CCDC175: variants seen among roughly 807,000 people sequenced by gnomAD.
CCDC175 encodes the protein coiled-coil domain-containing protein 175.
CCDC175 carries 100 observed loss-of-function variants against 114.6 expected under a neutral mutation model. That is an observed-to-expected ratio of 0.87 (90% CI 0.74 to 1.03). The LOEUF (loss-of-function observed/expected upper bound fraction) is 1.03, where lower values mean the gene tolerates loss of function less well. Among genes scored for constraint, CCDC175 ranks in the 50% least tolerant of loss-of-function variants. CCDC175 has a pLI of 0.00. For synonymous variants in CCDC175, 306 were observed against 308.7 expected (o/e 0.99, Z 0.09); for missense variants, 880 against 917.8 (o/e 0.96, Z 0.53).
At chr14:59,545,100 G>C (rs1895022401) in intron 9 of CCDC175, 63 bp downstream of exon 9, 1 of 1,445,438 alleles carries the variant, frequency 6.9e-7, no homozygotes, top group East Asian at 2.5e-5. Flanking sequence ...CCACCACTTT[G>C]ATAGCAAGAA....
At chr14:59,574,121 G>A (rs1332885881) in intron 2 of CCDC175, among the ~76,000 whole-genome samples, 1 of 152,188 alleles carries the variant, frequency 6.6e-6, no homozygotes, top group East Asian at 1.9e-4. Context: ...ACCTACTCAA[G>A]TAGGATTGTA....
At chr14:59,546,043 T>C (rs938504926) in intron 8 of CCDC175, among the ~76,000 whole-genome samples, 1 of 152,132 alleles carries the variant, frequency 6.6e-6, no homozygotes. Context: ...CTATTCAGAA[T>C]AGCAAAGACA....
chr14:59,530,708 G>A (rs1278994082), intron 14 of CCDC175, among the ~76,000 whole-genome samples: 3 of 151,574 alleles, frequency 2.0e-5, no homozygotes, highest in East Asian at 3.9e-4. Flanking sequence ...ATTCACTTCT[G>A]AATATTTTTT....
intron 19 of CCDC175, among the ~76,000 whole-genome samples, chr14:59,509,296 C>T (rs1892620171): frequency 6.6e-6 from 1 of 152,114 alleles, no homozygotes; most frequent in African/African-American, 2.4e-5. Flanking sequence ...CAAATAGAAG[C>T]AAGGCCCACA....
intron 7 of CCDC175, among the ~76,000 whole-genome samples, chr14:59,558,673 T>A (rs1896059785): frequency 6.6e-6 from 1 of 151,872 alleles, no homozygotes; most frequent in Non-Finnish European, 1.5e-5. Context: ...AAATCAAGAG[T>A]CTGTTCAGGA....
chr14:59,572,845 A>C, intron 2 of CCDC175, 32 bp from the exon 3 acceptor site: 1 of 1,318,884 alleles, frequency 7.6e-7, no homozygotes, highest in Non-Finnish European at 1.0e-6. Context: ...TTAAAAAGTT[A>C]AGACACTAAA....
rs1896204197 is a variant in CCDC175 at position 59,561,142 on chromosome 14, G to A, written c.930C>T (p.Asp310=). The change falls in exon 7 of 20, where the codon GAC becomes GAT. Residue 310 remains aspartate (D), a synonymous_variant. Coordinates refer to ENST00000537690, the MANE Select transcript of CCDC175 (RefSeq NM_001164399.2). ...ACAGTTTCGCCTCCAGAATTGCAAG[G>A]TCTTTCTTTAGCTCACTGACCTCTT... The part of the protein sequence containing the change: ...WEQEVSELKK[D]LAILEAKLCF... The A allele has an allele frequency of 6.5e-7, 1 of 1,532,062 alleles. No homozygotes were observed. The highest frequency in any genetic ancestry group is 8.8e-7 in the Non-Finnish European group (1 of 1,142,722). The allele number at this position is 1,532,062 out of a possible 1,614,324, so 94.9% of individuals were successfully genotyped here. A position where few individuals can be genotyped will look rare whatever the true frequency, so the allele number is the denominator to read the frequency against.
At position 59,521,736 on chromosome 14, in the gene CCDC175, TG is replaced by T. The variant is rs1352178549; in HGVS notation, c.1996-61del. 88 of 942,958 alleles carry T rather than the reference TG, an allele frequency of 9.3e-5. No homozygotes were observed. The African/African-American group carries it at 1.3e-3, about 14-fold the overall frequency. The allele number at this position is 942,958 out of a possible 1,614,324, so 58.4% of individuals were successfully genotyped here. A position where few individuals can be genotyped will look rare whatever the true frequency, so the allele number is the denominator to read the frequency against. ...TTTAGTTACTATAGATAAATTATCA[TG>T]TAGTCATTCAGCAAACATGTATAAA... On this transcript the variant is annotated intron_variant, in intron 16 of 19. Transcript: ENST00000537690.
chr14:59,538,082 C>T lies in CCDC175; in HGVS notation c.1564G>A (p.Glu522Lys), dbSNP rs1332181713. 4 of 1,532,346 alleles carry T rather than the reference C, an allele frequency of 2.6e-6. No homozygotes were observed. Among genetic ancestry groups the T allele is most frequent in the Non-Finnish European group, 3.5e-6 (4 of 1,142,850 alleles). The allele number at this position is 1,532,346 out of a possible 1,614,324, so 94.9% of individuals were successfully genotyped here. A position where few individuals can be genotyped will look rare whatever the true frequency, so the allele number is the denominator to read the frequency against. The change falls in exon 13 of 20, where the codon GAG becomes AAG. Residue 522 changes from glutamate to lysine, a missense_variant. Transcript: ENST00000537690. ...IEKLTTELKE[E>K]EKAFVNKEKM... The stretch of plus-strand genomic sequence containing the variant: ...TCTTTGTTAACAAATGCTTTCTCCT[C>T]TTCTTTTAATTCTGTTGTAAGTTTT...
At chr14:59,537,857 C>T (rs1311763058) in intron 13 of CCDC175, among the ~76,000 whole-genome samples, 166 bp downstream of exon 13, 1 of 152,122 alleles carries the variant, frequency 6.6e-6, no homozygotes, top group Non-Finnish European at 1.5e-5. Flanking sequence ...TCTTATTGCT[C>T]TGCTTCCTCT....
chr14:59,517,725 C>T (rs1461471372), intron 17 of CCDC175, among the ~76,000 whole-genome samples: 2 of 152,122 alleles, frequency 1.3e-5, no homozygotes, highest in South Asian at 2.1e-4. Flanking sequence ...GAATCAATAT[C>T]GTGAAAACAG....
intron 13 of CCDC175, 128 bp downstream of exon 13, chr14:59,537,895 A>T: frequency 1.7e-6 from 1 of 597,858 alleles, no homozygotes; most frequent in Non-Finnish European, 2.6e-6. Context: ...ATCCAGAATG[A>T]AATTGTAGCC....
intron 7 of CCDC175, among the ~76,000 whole-genome samples, chr14:59,560,893 C>T (rs1896191893): frequency 6.6e-6 from 1 of 152,022 alleles, no homozygotes; most frequent in African/African-American, 2.4e-5. Flanking sequence ...CTTTCCTTTC[C>T]CCAAGCTGAC....
intron 7 of CCDC175, among the ~76,000 whole-genome samples, chr14:59,558,488 CA>C (rs1402866191): frequency 6.6e-6 from 1 of 152,020 alleles, no homozygotes; most frequent in Non-Finnish European, 1.5e-5. Flanking sequence ...AATATGAAGG[CA>C]ATAGGACGTG....
intron 7 of CCDC175, among the ~76,000 whole-genome samples, 168 bp from the exon 8 acceptor site, chr14:59,551,604 C>T (rs540552204): frequency 2.6e-5 from 4 of 152,204 alleles, no homozygotes; most frequent in East Asian, 1.9e-4. Flanking sequence ...CTCACTGGGG[C>T]GTGTTGGACA....
intron 13 of CCDC175, among the ~76,000 whole-genome samples, chr14:59,534,916 G>A (rs1422214470): frequency 6.6e-6 from 1 of 152,130 alleles, no homozygotes; most frequent in Non-Finnish European, 1.5e-5. Context: ...AAATGGTAGT[G>A]GGACTTCTCA....
intron 7 of CCDC175, among the ~76,000 whole-genome samples, chr14:59,560,579 G>T (rs1266943503): frequency 1.3e-5 from 2 of 152,158 alleles, no homozygotes; most frequent in African/African-American, 4.8e-5. Flanking sequence ...AGAGAATACT[G>T]TGTGCAGATA....
intron 15 of CCDC175, among the ~76,000 whole-genome samples, chr14:59,526,779 GA>G (rs1205709568): frequency 6.6e-6 from 1 of 152,056 alleles, no homozygotes; most frequent in Non-Finnish European, 1.5e-5. Context: ...TTATAAATAA[GA>G]AAACCGAGGT....
At chr14:59,563,943 C>T in intron 5 of CCDC175, 84 bp from the exon 6 acceptor site, 2 of 874,860 alleles carry the variant, frequency 2.3e-6, no homozygotes, top group East Asian at 3.4e-5. Context: ...CAGTGTCAAC[C>T]TAATTCATAT....
Sources: allele counts gnomAD v4.1 joint callset (sites outside exome capture counted in the v4.1 genomes callset), GRCh38; gene constraint gnomAD v4.1.1; transcripts MANE v1.5; gene names NCBI Gene and HGNC (gene_info 2026-07-23, HGNC 2026-07-21).